The following MYPOP variants were observed in gnomAD, a reference collection of about 807,000 sequenced individuals.
MYPOP encodes myb-related transcription factor, partner of profilin.
In MYPOP, 21 loss-of-function variants were observed where a neutral mutation model predicts 25.7. That is an observed-to-expected ratio of 0.82 (90% confidence interval 0.58 to 1.18). The LOEUF is 1.18. MYPOP is among the 50% of genes most tolerant of loss of function. The pLI is 0.00. For missense variants in MYPOP, 566 were observed against 588.3 expected, an observed-to-expected ratio of 0.96 and a Z score of 0.39; for synonymous variants, 280 against 247.9, an observed-to-expected ratio of 1.13 and a Z score of -1.22.
chr19:45,900,963 G>C (rs934195390), intron 2 of MYPOP, among the ~76,000 whole-genome samples: 4 of 152,180 alleles, frequency 2.6e-5, no homozygotes, highest in Non-Finnish European at 5.9e-5. Context: ...TGGCAAAGTT[G>C]TGATCGGAGC....
In MYPOP at chr19:45,890,796, C is replaced by T. The variant is rs1439853404; in HGVS notation, c.1027G>A (p.Ala343Thr). 1 of 1,498,292 alleles carries T rather than the reference C, an allele frequency of 6.7e-7. No homozygotes were observed. Among genetic ancestry groups the T allele is most frequent in the Non-Finnish European group, 8.9e-7 (1 of 1,120,802 alleles). The allele number at this position is 1,498,292 out of a possible 1,614,324, so 92.8% of individuals were successfully genotyped here. The change falls in exon 3 of 3, where the codon GCT becomes ACT. Residue 343 changes from alanine to threonine, a missense_variant. Coordinates refer to ENST00000322217, the MANE Select transcript of MYPOP (RefSeq NM_001012643.4). Reference sequence around the variant, plus strand: ...GCCACCACTGCCCCGTCCACCACAGCAGCCACCACGGACACGGGCTCTGGG... The same window carrying T: ...GCCACCACTGCCCCGTCCACCACAGTAGCCACCACGGACACGGGCTCTGGG... ...ITPEPVSVVA[A>T]VVDGAVVAAR... is the part of the protein sequence containing the mutation.
intron 1 of MYPOP, 142 bp downstream of exon 1, chr19:45,902,428 T>G (rs984757247): frequency 6.6e-6 from 1 of 151,982 alleles, no homozygotes; most frequent in Non-Finnish European, 1.5e-5. Context: ...TTGTGGGGGC[T>G]CTGGGGATTG....
rs1394660995 is a variant in MYPOP, at chr19:45,901,367, G to C, written c.407C>G (p.Pro136Arg). The C allele has an allele frequency of 2.0e-6, 3 of 1,475,876 alleles. No individual in the cohort carries two copies. In the African/African-American group the frequency reaches 4.3e-5, roughly 21 times the overall value. The allele number at this position is 1,475,876 out of a possible 1,614,324, so 91.4% of individuals were successfully genotyped here. ...CGGCTGTGAAGAGGGGGCCGCAGGG[G>C]GCTCCTCCGCCCCAGCACCTGCCCC... ...APGAGAGAEE[P>R]PAAPSSQPPP... The change falls in exon 2 of 3, where the codon CCC becomes CGC. Residue 136 changes from proline (P) to arginine (R), a missense_variant. Coordinates refer to ENST00000322217, the MANE Select transcript of MYPOP (RefSeq NM_001012643.4). The surrounding 1 kb of genome is among the most constrained non-coding windows in gnomAD (Gnocchi z 5.7).
In MYPOP at chr19:45,891,309, T is replaced by A. The variant is rs1402814837; in HGVS notation, c.514A>T (p.Ser172Cys). 1 of 1,521,612 alleles carries A rather than the reference T, an allele frequency of 6.6e-7. No homozygotes were observed. Among genetic ancestry groups the A allele is most frequent in the Admixed American group, 2.1e-5 (1 of 47,996 alleles). 94.3% of individuals were successfully genotyped at this position (1,521,612 alleles called of 1,614,324 possible). A position where few individuals can be genotyped will look rare whatever the true frequency, so the allele number is the denominator to read the frequency against. The change falls in exon 3 of 3, where the codon AGC (serine) becomes TGC (cysteine). Residue 172 changes from serine to cysteine, a missense_variant. Physicochemically the swap from Ser to Cys is moderately radical, Grantham distance 112 (BLOSUM62 -1). Transcript: ENST00000322217. ...EDRRADTSAH[S>C]KAGSSSPEPW... The stretch of plus-strand genomic sequence containing the variant: ...TCCGGGCTGCTGGAGCCCGCCTTGC[T>A]GTGGGCTGATGTATCTGTAGAGAGA...
In MYPOP at chr19:45,901,134, A is replaced by T; in HGVS notation, c.499+141T>A. The stretch of plus-strand genomic sequence containing the variant: ...TATCGGAACTGAGGCAAGTCATTTC[A>T]TTTTTCTGAGCTTCAGTTTCCCTAG... On this transcript the variant is annotated intron_variant, in intron 2 of 2. Coordinates refer to ENST00000322217, the MANE Select transcript of MYPOP (RefSeq NM_001012643.4). This position sits in a 1 kb window ranked among gnomAD's most constrained non-coding sequence, Gnocchi z 5.7. 1 of 848,060 alleles carries T rather than the reference A, an allele frequency of 1.2e-6. No individual in the cohort carries two copies. The allele number at this position is 848,060 out of a possible 1,614,324, so 52.5% of individuals were successfully genotyped here. A position where few individuals can be genotyped will look rare whatever the true frequency, so the allele number is the denominator to read the frequency against.
chr19:45,893,571 A>T (rs1335509628), intron 2 of MYPOP, among the ~76,000 whole-genome samples: 1 of 99,032 alleles, frequency 1.0e-5, no homozygotes, highest in Non-Finnish European at 2.0e-5. Flanking sequence ...TCCGTCTCAA[A>T]AAAAAAAAAA....
chr19:45,899,486 T>C (rs1383264348), intron 2 of MYPOP, among the ~76,000 whole-genome samples: 1 of 152,044 alleles, frequency 6.6e-6, no homozygotes, highest in Non-Finnish European at 1.5e-5. Context: ...AGAACAAGGG[T>C]CCCATGTGAT....
In MYPOP at chr19:45,890,736, C is replaced by A. The variant is rs1967107287; in HGVS notation, c.1087G>T (p.Glu363Ter). Residue 363 changes from glutamate to a stop codon, truncating the protein, a stop_gained, in exon 3 of 3, where the codon GAG (glutamate) becomes TAG (stop). Coordinates refer to ENST00000322217, the MANE Select transcript of MYPOP (RefSeq NM_001012643.4). LOFTEE classifies it high-confidence loss of function. ...RGVIIAPRSEEGAPRPPPAPL... is the reference protein window; with the variant it reads ...RGVIIAPRSE Reference sequence around the variant, plus strand: ...GCTGGGGGGGGCCGGGGTGCCCCCTCCTCGCTCCTTGGGGCAATGATCACT... The same window carrying A: ...GCTGGGGGGGGCCGGGGTGCCCCCTACTCGCTCCTTGGGGCAATGATCACT... 1 of 1,573,834 alleles carries A rather than the reference C, an allele frequency of 6.4e-7. No individual in the cohort carries two copies. The highest frequency in any genetic ancestry group is 1.8e-5 in the Admixed American group (1 of 54,368).
In MYPOP at chr19:45,891,179, C is replaced by T. The variant is rs200041356; in HGVS notation, c.644G>A (p.Arg215His). 1,452 of 1,524,038 alleles carry T rather than the reference C, an allele frequency of 9.5e-4. 7 individuals carry two copies. In the African/African-American group the frequency reaches 0.017, roughly 18 times the overall value. 94.4% of individuals were successfully genotyped at this position (1,524,038 alleles called of 1,614,324 possible). A position where few individuals can be genotyped will look rare whatever the true frequency, so the allele number is the denominator to read the frequency against. The change falls in exon 3 of 3, where the codon CGC becomes CAC. Residue 215 changes from arginine to histidine, a missense_variant. Transcript: ENST00000322217. ...PSALQPVQLPRLALSPPPPAP... is the reference protein window; with the variant it reads ...PSALQPVQLPHLALSPPPPAP... ...TGGGGGTGGTGGAGACAAGGCCAGG[C>T]GAGGCAGCTGGACCGGCTGCAGGGC... is the stretch of plus-strand genomic sequence containing the variant.
chr19:45,895,566 TCTC>T (rs1228097496), intron 2 of MYPOP, among the ~76,000 whole-genome samples: 1 of 152,144 alleles, frequency 6.6e-6, no homozygotes, highest in Non-Finnish European at 1.5e-5. Flanking sequence ...CTGCTGTCTG[TCTC>T]CTCCTCCTGA....
intron 2 of MYPOP, among the ~76,000 whole-genome samples, chr19:45,900,353 G>A (rs937070833): frequency 2.0e-5 from 3 of 151,980 alleles, no homozygotes; most frequent in Admixed American, 6.6e-5. Context: ...CATTGTACAT[G>A]CTGTTCCCTC....
chr19:45,890,713 T>TGGGGGGGGGGGGGGGGGGG lies in MYPOP; in HGVS notation c.1109_1110insCCCCCCCCCCCCCCCCCCC (p.Ala371ProfsTer85). ...GGGAGTCGTGCGGAGGGAGCGGGGC[T>TGGGGGGGGGGGGGGGGGGG]GGGGGGGGCCGGGGTGCCCCCTCCT... On this transcript the variant is annotated frameshift_variant, in exon 3 of 3. Transcript: ENST00000322217. LOFTEE classifies it high-confidence loss of function. 3.8e-6 allele frequency: 1 copy of TGGGGGGGGGGGGGGGGGGG among 265,046 alleles called. No homozygotes were observed. The highest frequency in any genetic ancestry group is 6.4e-6 in the Non-Finnish European group (1 of 157,164). 16.4% of individuals were successfully genotyped at this position (265,046 alleles called of 1,614,324 possible). A position where few individuals can be genotyped will look rare whatever the true frequency, so the allele number is the denominator to read the frequency against.
chr19:45,897,644 C>T (rs1967225114), intron 2 of MYPOP, among the ~76,000 whole-genome samples: 1 of 152,080 alleles, frequency 6.6e-6, no homozygotes, highest in Non-Finnish European at 1.5e-5. Context: ...CAACCTCCGC[C>T]TCCCAGGTTC....
At chr19:45,900,803 T>C (rs1967277542) in intron 2 of MYPOP, among the ~76,000 whole-genome samples, 1 of 152,226 alleles carries the variant, frequency 6.6e-6, no homozygotes, top group South Asian at 2.1e-4. Flanking sequence ...GAACTAACAA[T>C]GAGAGTTGAG....
At chr19:45,892,473 C>G (rs1266691364) in intron 2 of MYPOP, among the ~76,000 whole-genome samples, 1 of 152,124 alleles carries the variant, frequency 6.6e-6, no homozygotes, top group Non-Finnish European at 1.5e-5. Flanking sequence ...ACAGGGGCTC[C>G]CAGCTTCCTG....
chr19:45,900,706 C>T (rs1304956989), intron 2 of MYPOP, among the ~76,000 whole-genome samples: 2 of 152,148 alleles, frequency 1.3e-5, no homozygotes, highest in Non-Finnish European at 2.9e-5. Context: ...AAGGCATGAC[C>T]TTGGGAAAAT....
At chr19:45,898,386 G>A (rs1967238241) in intron 2 of MYPOP, among the ~76,000 whole-genome samples, 1 of 150,350 alleles carries the variant, frequency 6.7e-6, no homozygotes, top group African/African-American at 2.5e-5. Flanking sequence ...GCAATGGCGC[G>A]ATCATGGCTC....
chr19:45,890,413 G>T lies in MYPOP; in HGVS notation c.*210C>A. On this transcript the variant is annotated 3_prime_UTR_variant, in exon 3 of 3. Coordinates refer to ENST00000322217, the MANE Select transcript of MYPOP (RefSeq NM_001012643.4). ...AGTCAGGGTTAAGGGAGGCAGCCAG[G>T]CAGACAGCACTGTACCAGAGAAAGG... The T allele has an allele frequency of 1.5e-6, 1 of 646,120 alleles. No individual in the cohort carries two copies. The highest frequency in any genetic ancestry group is 2.4e-6 in the Non-Finnish European group (1 of 415,098). The allele number at this position is 646,120 out of a possible 1,614,324, so 40.0% of individuals were successfully genotyped here.
chr19:45,901,866 T>G lies in MYPOP; in HGVS notation c.-52-41A>C. 9.5e-7 allele frequency: 1 copy of G among 1,050,908 alleles called. No homozygotes were observed. The highest frequency in any genetic ancestry group is 1.2e-6 in the Non-Finnish European group (1 of 826,018). 65.1% of individuals were successfully genotyped at this position (1,050,908 alleles called of 1,614,324 possible). On this transcript the variant is annotated intron_variant, in intron 1 of 2. Transcript: ENST00000322217. The surrounding 1 kb of genome is among the most constrained non-coding windows in gnomAD (Gnocchi z 5.7). Reference sequence around the variant, plus strand: ...GCACGGGGCTGGCTGGGGTTCGGGGTCCCCCCGCCGCCGCCTCTCCCAGAC... The same window carrying G: ...GCACGGGGCTGGCTGGGGTTCGGGGGCCCCCCGCCGCCGCCTCTCCCAGAC...
Sources: allele counts gnomAD v4.1 joint callset (sites outside exome capture counted in the v4.1 genomes callset), GRCh38; gene constraint gnomAD v4.1.1; non-coding constraint Gnocchi (gnomAD v3.1); transcripts MANE v1.5; gene names NCBI Gene and HGNC (gene_info 2026-07-23, HGNC 2026-07-21).